The following CYFIP2 variants were observed in gnomAD, a reference collection of about 807,000 sequenced individuals.
CYFIP2 encodes the protein cytoplasmic FMR1-interacting protein 2.
CYFIP2 carries 29 observed loss-of-function variants against 158.7 expected under a neutral mutation model. The ratio of observed to expected loss-of-function variants is 0.18; its 90% confidence interval spans 0.14 to 0.25. The LOEUF (loss-of-function observed/expected upper bound fraction) is 0.25, where lower values mean the gene tolerates loss of function less well. CYFIP2 is among the 10% of genes least tolerant of loss of function. CYFIP2 has a pLI of 1.00. For synonymous variants in CYFIP2, 585 were observed against 617.6 expected, an observed-to-expected ratio of 0.95 and a Z score of 0.78; for missense variants, 852 against 1,639.5, an observed-to-expected ratio of 0.52 and a Z score of 8.29.
At position 157,389,440 on chromosome 5, in the gene CYFIP2, C is replaced by T. The variant is rs754669397; in HGVS notation, c.3446+13C>T. The T allele has an allele frequency of 1.0e-5, 16 of 1,556,526 alleles. No individual in the cohort carries two copies. The East Asian group carries it at 3.2e-4, about 31-fold the overall frequency. ...AGTTCACAGCTGAGTGAGTACCCCC[C>T]AGAGAAGGCAGGGTTACCCCCAACC... On this transcript the variant is annotated intron_variant, in intron 29 of 30. Transcript: ENST00000620254.
chr5:157,354,130 C>CT (rs34160840), intron 23 of CYFIP2, among the ~76,000 whole-genome samples: 1 of 151,976 alleles, frequency 6.6e-6, no homozygotes. Context: ...TGCTTTTTTG[C>CT]TTTTTTTAAG....
chr5:157,343,240 C>T (rs763672310), intron 23 of CYFIP2: 6 of 1,614,034 alleles, frequency 3.7e-6, no homozygotes, highest in Non-Finnish European at 5.1e-6. Context: ...CAGGAGCCAG[C>T]GGACTCTTAT....
chr5:157,383,484 C>A, intron 28 of CYFIP2, 125 bp downstream of exon 28: 1 of 806,448 alleles, frequency 1.2e-6, no homozygotes, highest in East Asian at 2.7e-5. Flanking sequence ...TGTCCAATAC[C>A]CAAAAACTGG....
rs1763850944 is a variant in CYFIP2, at chr5:157,361,800, G to T, written c.3039+202G>T. ...AGTGCAGTTGTCTAGGTCTCAGTTT[G>T]CCATTCCCTCATGTTATGGAACCAA... On this transcript the variant is annotated intron_variant, in intron 26 of 30. Transcript: ENST00000620254. The surrounding 1 kb of genome is among the most constrained non-coding windows in gnomAD (Gnocchi z 4.4). Among the ~76,000 whole-genome samples, 1 of 152,132 alleles carries T rather than the reference G, an allele frequency of 6.6e-6. No individual in the cohort carries two copies. Among genetic ancestry groups the T allele is most frequent in the East Asian group, 1.9e-4 (1 of 5,194 alleles).
chr5:157,336,414 G>T (rs373695002), intron 21 of CYFIP2, among the ~76,000 whole-genome samples: 1 of 152,236 alleles, frequency 6.6e-6, no homozygotes, highest in Non-Finnish European at 1.5e-5. Flanking sequence ...GGCAATGCCA[G>T]ACCAGCATTC....
intron 28 of CYFIP2, among the ~76,000 whole-genome samples, chr5:157,388,305 C>A (rs1766898678): frequency 6.6e-6 from 1 of 152,164 alleles, no homozygotes; most frequent in Non-Finnish European, 1.5e-5. Context: ...ATTAGATATG[C>A]AGTAGCCAGA....
intron 1 of CYFIP2, among the ~76,000 whole-genome samples, chr5:157,284,850 G>C (rs765812728): frequency 6.6e-6 from 1 of 152,164 alleles, no homozygotes; most frequent in Non-Finnish European, 1.5e-5. Flanking sequence ...AAAAACCCGG[G>C]CTCTGGTTTT....
intron 1 of CYFIP2, 133 bp from the exon 2 acceptor site, chr5:157,285,206 A>C: frequency 1.6e-6 from 1 of 616,152 alleles, no homozygotes; most frequent in Non-Finnish European, 2.9e-6. Context: ...CTTGGGAAGA[A>C]GTGGTGAGTG....
chr5:157,281,549 T>A (rs980695870), intron 1 of CYFIP2, among the ~76,000 whole-genome samples: 3 of 152,218 alleles, frequency 2.0e-5, no homozygotes, highest in Admixed American at 2.0e-4. Flanking sequence ...TTTTATTAGA[T>A]GTCTTTGTGA....
At chr5:157,360,400 C>A (rs773245017) in intron 25 of CYFIP2, 28 bp downstream of exon 25, 3 of 1,591,292 alleles carry the variant, frequency 1.9e-6, no homozygotes, top group South Asian at 1.1e-5. Flanking sequence ...AATCCAGACC[C>A]CTCCCATGGT....
At chr5:157,293,399 A>G (rs1388730897) in intron 3 of CYFIP2, among the ~76,000 whole-genome samples, 3 of 152,146 alleles carry the variant, frequency 2.0e-5, no homozygotes, top group Admixed American at 6.5e-5. Context: ...CTCTTTCCAC[A>G]GCAGCAGTTC....
intron 26 of CYFIP2, among the ~76,000 whole-genome samples, chr5:157,379,372 G>A (rs1410680127): frequency 6.6e-6 from 1 of 151,850 alleles, no homozygotes; most frequent in African/African-American, 2.4e-5. Flanking sequence ...TTAAATGAAA[G>A]GAGCCAATTC....
At chr5:157,268,494 A>G (rs1755803337) in intron 1 of CYFIP2, among the ~76,000 whole-genome samples, 1 of 152,170 alleles carries the variant, frequency 6.6e-6, no homozygotes, top group African/African-American at 2.4e-5. Context: ...TCAACCAGAA[A>G]GCTGAATGAG....
intron 25 of CYFIP2, among the ~76,000 whole-genome samples, chr5:157,360,636 A>C (rs1204886670): frequency 2.6e-5 from 4 of 152,224 alleles, no homozygotes; most frequent in African/African-American, 9.6e-5. Flanking sequence ...AGCATGTTTA[A>C]ATAATGCAGA....
chr5:157,309,867 G>T (rs765856886), intron 10 of CYFIP2, 33 bp downstream of exon 10: 9 of 1,554,286 alleles, frequency 5.8e-6, no homozygotes, highest in Middle Eastern at 1.7e-4. Context: ...CTCGGCTCCC[G>T]CAAGGATGCC....
intron 13 of CYFIP2, 72 bp from the exon 14 acceptor site, chr5:157,319,690 G>A (rs996915886): frequency 6.8e-5 from 106 of 1,557,984 alleles, no homozygotes; most frequent in Admixed American, 2.0e-4. Flanking sequence ...TCCCCTGGCA[G>A]GGCGGTGATG....
chr5:157,384,235 A>G (rs1490720551), intron 28 of CYFIP2: 2 of 454,986 alleles, frequency 4.4e-6, no homozygotes, highest in South Asian at 1.6e-5. Context: ...CAGATTATGC[A>G]GGGAGCAGGA....
chr5:157,305,892 G>T (rs570525643), intron 8 of CYFIP2, among the ~76,000 whole-genome samples: 1 of 152,282 alleles, frequency 6.6e-6, no homozygotes, highest in East Asian at 1.9e-4. Context: ...CAATCTGCAT[G>T]ACCATGTATC....
intron 1 of CYFIP2, among the ~76,000 whole-genome samples, chr5:157,267,845 G>T (rs962165161): frequency 1.3e-5 from 2 of 152,256 alleles, no homozygotes; most frequent in African/African-American, 4.8e-5. Context: ...TTTGGGAACG[G>T]GTCCCTGAAA....
Sources: allele counts gnomAD v4.1 joint callset (sites outside exome capture counted in the v4.1 genomes callset), GRCh38; gene constraint gnomAD v4.1.1; non-coding constraint Gnocchi (gnomAD v3.1); transcripts MANE v1.5; gene names NCBI Gene and HGNC (gene_info 2026-07-23, HGNC 2026-07-21).